The following RAPGEF2 variants were observed in gnomAD, a reference collection of about 807,000 sequenced individuals.
The protein encoded by RAPGEF2 is PDZ domain containing guanine nucleotide exchange factor (GEF) 1.
RAPGEF2 carries 54 observed loss-of-function variants against 186.7 expected under a neutral mutation model. The ratio of observed to expected loss-of-function variants is 0.29; its 90% CI spans 0.23 to 0.36. RAPGEF2 has a LOEUF of 0.36. Among genes scored for constraint, RAPGEF2 ranks in the 10% least tolerant of loss-of-function variants. The probability of loss-of-function intolerance (pLI) is 1.00; values close to 1 mark genes in which losing one functional copy is unlikely to be tolerated. For synonymous variants in RAPGEF2, 712 were observed against 705.9 expected (o/e 1.01, Z -0.14); for missense variants, 1,532 against 2,045.0 (o/e 0.75, Z 4.84).
At chr4:159,172,265 G>T (rs778916769) in intron 1 of RAPGEF2, among the ~76,000 whole-genome samples, 1 of 152,078 alleles carries the variant, frequency 6.6e-6, no homozygotes, top group Non-Finnish European at 1.5e-5. Context: ...TGTAGTTCTC[G>T]GATGCAGTAG....
chr4:159,221,915 T>G (rs542277889), intron 4 of RAPGEF2, among the ~76,000 whole-genome samples: 2 of 152,226 alleles, frequency 1.3e-5, no homozygotes. Context: ...AGGGAAACTT[T>G]AGCTACACTA....
intron 7 of RAPGEF2, among the ~76,000 whole-genome samples, chr4:159,246,925 C>T (rs1453355786): frequency 6.6e-6 from 1 of 151,816 alleles, no homozygotes; most frequent in Non-Finnish European, 1.5e-5. Context: ...TATGTGATAT[C>T]ACACCTGGCT....
intron 23 of RAPGEF2, 83 bp from the exon 24 acceptor site, chr4:159,345,022 AT>A: frequency 9.2e-7 from 1 of 1,092,884 alleles, no homozygotes; most frequent in Non-Finnish European, 1.4e-6. Flanking sequence ...AACATAGACT[AT>A]TAATATCAGT....
rs137978885 is a variant in RAPGEF2 at position 159,144,879 on chromosome 4, G to GTTTTTTTTTT, written c.69+40665_69+40674dup. Among the ~76,000 whole-genome samples, 48 of 92,310 alleles carry GTTTTTTTTTT rather than the reference G, an allele frequency of 5.2e-4. 4 individuals are homozygous for GTTTTTTTTTT. Among genetic ancestry groups the GTTTTTTTTTT allele is most frequent in the African/African-American group, 1.8e-3 (43 of 23,564 alleles). The allele number at this position is 92,310 out of a possible 152,430, so 60.6% of individuals were successfully genotyped here. Reference sequence around the variant, plus strand: ...CTTCTTAATTTTTTTCTTTCTTCCTGTTTTTTTTTTTTTTTTTTTTTTTTT... The same window carrying GTTTTTTTTTT: ...CTTCTTAATTTTTTTCTTTCTTCCTGTTTTTTTTTTTTTTTTTTTTTTTTTTTTTTTTTTT... On this transcript the variant is annotated intron_variant, in intron 1 of 29. Transcript: ENST00000691494.
chr4:159,346,195 A>G (rs1333388002), intron 24 of RAPGEF2, among the ~76,000 whole-genome samples: 1 of 152,208 alleles, frequency 6.6e-6, no homozygotes, highest in African/African-American at 2.4e-5. Context: ...AGTTTTTAAT[A>G]TTAAAATGCT....
chr4:159,124,134 C>G (rs138028973), intron 1 of RAPGEF2, among the ~76,000 whole-genome samples: 1 of 151,824 alleles, frequency 6.6e-6, no homozygotes. Flanking sequence ...GGATTACGGG[C>G]GTGAGCCACT....
At chr4:159,301,292 C>T (rs1579839726) in intron 7 of RAPGEF2, among the ~76,000 whole-genome samples, 1 of 152,216 alleles carries the variant, frequency 6.6e-6, no homozygotes, top group South Asian at 2.1e-4. Context: ...TCGCTTAAAT[C>T]CGGAAGGGTG....
chr4:159,141,893 A>T (rs1037905968), intron 1 of RAPGEF2, among the ~76,000 whole-genome samples: 4 of 152,172 alleles, frequency 2.6e-5, no homozygotes, highest in Non-Finnish European at 5.9e-5. Context: ...AAGTGGAGAG[A>T]CAGGCTCAAC....
In RAPGEF2 at chr4:159,341,037, A is replaced by G. The variant is rs963939194; in HGVS notation, c.2535-527A>G. ...AGTTAACCTGTTGGAGGATTGTTCTATTCATAGGATCAAATAGAGGGAAGT... is the reference window on the plus strand; with the variant it reads ...AGTTAACCTGTTGGAGGATTGTTCTGTTCATAGGATCAAATAGAGGGAAGT... On this transcript the variant is annotated intron_variant, in intron 19 of 29. Transcript: ENST00000691494. Among the ~76,000 whole-genome samples the G allele has an allele frequency of 2.6e-5, 4 of 152,274 alleles. No individual in the cohort carries two copies. The South Asian group carries it at 8.3e-4, about 32-fold the overall frequency.
Position 159,238,892 on chromosome 4 carries a change from T to C in RAPGEF2, c.357+8T>C. 1 of 1,481,416 alleles carries C rather than the reference T, an allele frequency of 6.8e-7. No homozygotes were observed. The highest frequency in any genetic ancestry group is 8.9e-7 in the Non-Finnish European group (1 of 1,124,530). The allele number at this position is 1,481,416 out of a possible 1,614,324, so 91.8% of individuals were successfully genotyped here. A position where few individuals can be genotyped will look rare whatever the true frequency, so the allele number is the denominator to read the frequency against. ...CCTTCTGAAATGATTGTGGTAAGAG[T>C]ATTTCTGTGAGGACTATTTTTCCCC... is the stretch of plus-strand genomic sequence containing the variant. On this transcript the variant is annotated splice_region_variant and intron_variant, in intron 5 of 29. Transcript: ENST00000691494.
chr4:159,179,972 T>C (rs1375813229), intron 1 of RAPGEF2, among the ~76,000 whole-genome samples: 1 of 152,226 alleles, frequency 6.6e-6, no homozygotes, highest in Non-Finnish European at 1.5e-5. Flanking sequence ...CCTTTAATTC[T>C]TAGACCAGGG....
At chr4:159,174,154 A>C (rs10002672) in intron 1 of RAPGEF2, among the ~76,000 whole-genome samples, 74,368 of 152,064 alleles carry the variant, frequency 0.49, 20,125 homozygotes, top group African/African-American at 0.74. Flanking sequence ...ATCGTAACTT[A>C]ACAAGTGAAA....
At chr4:159,351,616 T>C (rs1322016256) in intron 26 of RAPGEF2, among the ~76,000 whole-genome samples, 1 of 152,036 alleles carries the variant, frequency 6.6e-6, no homozygotes, top group East Asian at 1.9e-4. Context: ...AAATGAATAT[T>C]GAGAAAGAAG....
intron 26 of RAPGEF2, chr4:159,351,245 A>G: frequency 1.2e-5 from 18 of 1,449,250 alleles, no homozygotes; most frequent in Non-Finnish European, 1.5e-5. Context: ...GTTAATGAAA[A>G]TGGGAGAATT....
intron 7 of RAPGEF2, among the ~76,000 whole-genome samples, chr4:159,299,669 T>C (rs767485526): frequency 4.6e-5 from 7 of 152,084 alleles, no homozygotes; most frequent in Non-Finnish European, 1.0e-4. Flanking sequence ...TACTTATGAG[T>C]ATTTACTTAT....
At position 159,334,524 on chromosome 4, in the gene RAPGEF2, C is replaced by T. The variant is rs1201595858; in HGVS notation, c.2135+1827C>T. Among the ~76,000 whole-genome samples the T allele has an allele frequency of 3.9e-5, 6 of 152,256 alleles. No individual in the cohort carries two copies. The South Asian group carries it at 1.2e-3, about 32-fold the overall frequency. ...TGGGCTTCTCAAAGTGCTGGGATTA[C>T]AGGCATGAGCCACCACACCCAGTCC... On this transcript the variant is annotated intron_variant, in intron 17 of 29. Transcript: ENST00000691494.
chr4:159,229,386 T>C (rs982318866), intron 4 of RAPGEF2: 1 of 152,174 alleles, frequency 6.6e-6, no homozygotes, highest in African/African-American at 2.4e-5. Flanking sequence ...CTGCCTTTCG[T>C]GGAAAGCTCA....
chr4:159,238,523 A>G (rs547403113), intron 4 of RAPGEF2, among the ~76,000 whole-genome samples: 4 of 152,284 alleles, frequency 2.6e-5, no homozygotes, highest in African/African-American at 9.6e-5. Context: ...ATTTAAAATA[A>G]CCTAACAGAA....
intron 10 of RAPGEF2, among the ~76,000 whole-genome samples, chr4:159,323,061 A>G (rs547996248): frequency 2.8e-4 from 43 of 152,296 alleles, no homozygotes; most frequent in Non-Finnish European, 5.4e-4. Context: ...AGTTTTTGAT[A>G]TATTAACTTT....
Sources: gnomAD v4.1 joint callset for allele counts (sites outside exome capture counted in the v4.1 genomes callset) on GRCh38, gnomAD v4.1.1 for gene constraint, MANE v1.5 for transcripts, NCBI Gene and HGNC (gene_info 2026-07-23, HGNC 2026-07-21) for gene names.